Variants in PAFAH1B1 observed in about 807,000 individuals in gnomAD.
The protein encoded by PAFAH1B1 is platelet-activating factor acetylhydrolase IB subunit beta.
A neutral mutation model predicts 57.5 loss-of-function variants in PAFAH1B1; 2 were observed. The ratio of observed to expected loss-of-function variants is 0.03; its 90% CI spans 0.01 to 0.11. The LOEUF (loss-of-function observed/expected upper bound fraction) is 0.11, where lower values mean the gene tolerates loss of function less well. Among genes scored for constraint, PAFAH1B1 ranks in the 10% least tolerant of loss-of-function variants. The pLI is 1.00. For synonymous variants in PAFAH1B1, 152 were observed against 169.6 expected (o/e 0.90, Z 0.81); for missense variants, 257 against 512.0 (o/e 0.50, Z 4.81).
In PAFAH1B1 at chr17:2,593,970, G is replaced by A. The variant is rs975501015; in HGVS notation, c.-227G>A. On this transcript the variant is annotated 5_prime_UTR_variant, in exon 1 of 11. Coordinates refer to ENST00000397195, the MANE Select transcript of PAFAH1B1 (RefSeq NM_000430.4). ...CCGCCGGTGGATGGGAGTGAAGGACGGAAGAGGCCCTGCGGAGGCGGCGGT... is the reference window on the plus strand; with the variant it reads ...CCGCCGGTGGATGGGAGTGAAGGACAGAAGAGGCCCTGCGGAGGCGGCGGT... 10 of 375,638 alleles carry A rather than the reference G, an allele frequency of 2.7e-5. No homozygotes were observed. The highest frequency in any genetic ancestry group is 1.7e-4 in the African/African-American group (8 of 46,922). The allele number at this position is 375,638 out of a possible 1,614,324, so 23.3% of individuals were successfully genotyped here.
At chr17:2,621,139 T>G (rs1597525532) in intron 1 of PAFAH1B1, among the ~76,000 whole-genome samples, 1 of 152,306 alleles carries the variant, frequency 6.6e-6, no homozygotes, top group African/African-American at 2.4e-5. Flanking sequence ...CCTTTTTTTT[T>G]TAAGTTGAGG....
intron 8 of PAFAH1B1, among the ~76,000 whole-genome samples, chr17:2,675,611 C>T (rs1331131928): frequency 5.3e-5 from 8 of 150,218 alleles, no homozygotes; most frequent in Admixed American, 2.0e-4. Flanking sequence ...AGCAACATAG[C>T]GAGACCCCGT....
At chr17:2,671,007 G>C (rs2069173533) in intron 6 of PAFAH1B1, among the ~76,000 whole-genome samples, 1 of 152,100 alleles carries the variant, frequency 6.6e-6, no homozygotes, top group Non-Finnish European at 1.5e-5. Flanking sequence ...TCATTACTTA[G>C]GGATTTTTGT....
chr17:2,620,345 C>G (rs1205971558), intron 1 of PAFAH1B1, among the ~76,000 whole-genome samples: 1 of 152,156 alleles, frequency 6.6e-6, no homozygotes. Flanking sequence ...AGATTCCTAT[C>G]TAATTCTCTT....
At chr17:2,630,173 C>CT (rs1174937086) in intron 1 of PAFAH1B1, among the ~76,000 whole-genome samples, 1 of 151,900 alleles carries the variant, frequency 6.6e-6, no homozygotes, top group Non-Finnish European at 1.5e-5. Context: ...TTTGCTTTTG[C>CT]TTTTTAACTT....
intron 6 of PAFAH1B1, among the ~76,000 whole-genome samples, chr17:2,672,285 C>CAA (rs35332619): frequency 0.3 from 20,994 of 69,536 alleles, 6,081 homozygotes; most frequent in Non-Finnish European, 0.35. Flanking sequence ...CCTTGCCTCA[C>CAA]AAAAAAAAAA....
chr17:2,682,055 G>T lies in PAFAH1B1; in HGVS notation c.*253G>T. 1 of 406,454 alleles carries T rather than the reference G, an allele frequency of 2.5e-6. No homozygotes were observed. Among genetic ancestry groups the T allele is most frequent in the East Asian group, 3.8e-5 (1 of 26,518 alleles). The allele number at this position is 406,454 out of a possible 1,614,324, so 25.2% of individuals were successfully genotyped here. Reference sequence around the variant, plus strand: ...ACCTGGGCTGGCATTGGTCACACCAGGCCTAAGAAGGCAGAAGTTGAATCA... The same window carrying T: ...ACCTGGGCTGGCATTGGTCACACCATGCCTAAGAAGGCAGAAGTTGAATCA... On this transcript the variant is annotated 3_prime_UTR_variant, in exon 11 of 11. Transcript: ENST00000397195.
In PAFAH1B1 at chr17:2,614,192, C is replaced by T. The variant is rs545136124; in HGVS notation, c.-191+20186C>T. ...CGCAGGTGTGTGCCACCATTCCTGGCTAATTTTTAAATTTGTGGTAGAATG... is the reference window on the plus strand; with the variant it reads ...CGCAGGTGTGTGCCACCATTCCTGGTTAATTTTTAAATTTGTGGTAGAATG... On this transcript the variant is annotated intron_variant, in intron 1 of 10. Coordinates refer to ENST00000397195, the MANE Select transcript of PAFAH1B1 (RefSeq NM_000430.4). Among the ~76,000 whole-genome samples the T allele has an allele frequency of 9.2e-4, 140 of 151,794 alleles. 1 individual carries two copies. Among genetic ancestry groups the T allele is most frequent in the Non-Finnish European group, 1.5e-3 (105 of 67,918 alleles).
Position 2,683,320 on chromosome 17 carries a change from AAG to A in PAFAH1B1, c.*1523_*1524del, listed in dbSNP as rs886052721. ...TAACCAACAGGTTTTTTTTGTTTCC[AAG>A]AGAGTTATTTGAAAAGTTAACAGAA... On this transcript the variant is annotated 3_prime_UTR_variant, in exon 11 of 11. Transcript: ENST00000397195. The A allele has an allele frequency of 1.3e-5, 2 of 152,180 alleles. No individual in the cohort carries two copies. The highest frequency in any genetic ancestry group is 3.8e-4 in the East Asian group (2 of 5,200). The allele number at this position is 152,180 out of a possible 1,614,324, so 9.4% of individuals were successfully genotyped here.
chr17:2,629,000 T>A (rs1404559611), intron 1 of PAFAH1B1, among the ~76,000 whole-genome samples: 1 of 152,224 alleles, frequency 6.6e-6, no homozygotes, highest in Non-Finnish European at 1.5e-5. Flanking sequence ...TTAATCTTGC[T>A]AATGGTCTAT....
chr17:2,612,443 G>A (rs897106673), intron 1 of PAFAH1B1, among the ~76,000 whole-genome samples: 4 of 151,926 alleles, frequency 2.6e-5, no homozygotes, highest in African/African-American at 9.7e-5. Context: ...ACCGACCTCA[G>A]GTGATCTGCC....
At chr17:2,652,240 C>A (rs1033250468) in intron 2 of PAFAH1B1, among the ~76,000 whole-genome samples, 1 of 151,922 alleles carries the variant, frequency 6.6e-6, no homozygotes, top group Non-Finnish European at 1.5e-5. Flanking sequence ...GAAACCCCGT[C>A]TCTACTAAAA....
intron 1 of PAFAH1B1, among the ~76,000 whole-genome samples, chr17:2,600,799 G>A (rs547195485): frequency 3.3e-5 from 5 of 151,882 alleles, no homozygotes; most frequent in Admixed American, 6.6e-5. Flanking sequence ...GCGCGATCTC[G>A]GCTCACTGCA....
intron 2 of PAFAH1B1, among the ~76,000 whole-genome samples, chr17:2,661,315 A>G (rs2069010392): frequency 6.6e-6 from 1 of 152,160 alleles, no homozygotes; most frequent in Non-Finnish European, 1.5e-5. Context: ...TAAGTCTTTA[A>G]TCCATCTTGA....
At chr17:2,599,971 CTTTTTTT>C (rs34442256) in intron 1 of PAFAH1B1, among the ~76,000 whole-genome samples, 1 of 82,794 alleles carries the variant, frequency 1.2e-5, no homozygotes, top group Non-Finnish European at 2.2e-5. Flanking sequence ...CATTTTTAAC[CTTTTTTT>C]TTTTTTTTTT....
At chr17:2,648,143 A>C (rs2068793508) in intron 2 of PAFAH1B1, among the ~76,000 whole-genome samples, 1 of 152,194 alleles carries the variant, frequency 6.6e-6, no homozygotes, top group Non-Finnish European at 1.5e-5. Context: ...AGAAAGGAGA[A>C]GAATGAGAGA....
At position 2,638,082 on chromosome 17, in the gene PAFAH1B1, C is replaced by A; in HGVS notation, c.-190-17C>A. The A allele has an allele frequency of 2.2e-6, 1 of 461,872 alleles. No homozygotes were observed. The highest frequency in any genetic ancestry group is 5.5e-5 in the South Asian group (1 of 18,158). The allele number at this position is 461,872 out of a possible 1,614,324, so 28.6% of individuals were successfully genotyped here. A position where few individuals can be genotyped will look rare whatever the true frequency, so the allele number is the denominator to read the frequency against. On this transcript the variant is annotated splice_polypyrimidine_tract_variant and intron_variant, in intron 1 of 10. Transcript: ENST00000397195. ...TTTAAGTGAAATAATCTTTTTTTTTCTTCTCTTTCTCCTTAGGTGGAATGA... is the reference window on the plus strand; with the variant it reads ...TTTAAGTGAAATAATCTTTTTTTTTATTCTCTTTCTCCTTAGGTGGAATGA...
intron 1 of PAFAH1B1, among the ~76,000 whole-genome samples, chr17:2,623,037 C>T (rs554086783): frequency 6.6e-6 from 1 of 152,264 alleles, no homozygotes; most frequent in African/African-American, 2.4e-5. Flanking sequence ...GTACCAAGTC[C>T]CTAGGCTGCA....
intron 2 of PAFAH1B1, among the ~76,000 whole-genome samples, chr17:2,647,848 C>T (rs2043044469): frequency 6.6e-6 from 1 of 150,836 alleles, no homozygotes; most frequent in African/African-American, 2.4e-5. Context: ...ACTAAAAATA[C>T]AAAAAATTAG....
Sources: allele counts gnomAD v4.1 joint callset (sites outside exome capture counted in the v4.1 genomes callset), GRCh38; gene constraint gnomAD v4.1.1; transcripts MANE v1.5; gene names NCBI Gene and HGNC (gene_info 2026-07-23, HGNC 2026-07-21).